The following NAALAD2 variants were observed in gnomAD, a reference collection of about 807,000 sequenced individuals.
NAALAD2 encodes the protein N-acetylated alpha-linked acidic dipeptidase 2.
Under a neutral mutation model 95.6 loss-of-function variants are expected in NAALAD2, and 89 were observed. The ratio of observed to expected loss-of-function variants is 0.93; its 90% CI spans 0.78 to 1.11. NAALAD2 has a LOEUF of 1.11. Ranked by LOEUF, NAALAD2 falls within the 50% of genes least tolerant of loss-of-function variation. NAALAD2 has a pLI of 0.00. For synonymous variants in NAALAD2, 264 were observed against 294.4 expected (o/e 0.90, Z 1.06); for missense variants, 894 against 872.4 (o/e 1.02, Z -0.31).
chr11:90,177,849 TCAG>T lies in NAALAD2; in HGVS notation c.1594-3_1594-1del. On this transcript the variant is annotated splice_acceptor_variant and splice_polypyrimidine_tract_variant and intron_variant, in intron 15 of 18. Transcript: ENST00000534061. LOFTEE classifies it high-confidence loss of function. ...TTATACTTGCCTCTCCATTTTTTTTTCAGAAAACAGATAAGTACAGCAGCTACC... is the reference window on the plus strand; with the variant it reads ...TTATACTTGCCTCTCCATTTTTTTTTAAAACAGATAAGTACAGCAGCTACC... The T allele has an allele frequency of 6.3e-7, 1 of 1,594,556 alleles. No individual in the cohort carries two copies. Among genetic ancestry groups the T allele is most frequent in the Admixed American group, 1.8e-5 (1 of 55,330 alleles).
upstream of NAALAD2, chr11:90,132,230 TTAATC>T (rs1390212459): frequency 5.2e-5 from 8 of 152,610 alleles, no homozygotes; most frequent in Non-Finnish European, 8.8e-5. Context: ...TTGGAACTCT[TTAATC>T]TAATTTTAAT....
chr11:90,155,462 T>C (rs552680802), intron 6 of NAALAD2, among the ~76,000 whole-genome samples: 23 of 112,474 alleles, frequency 2.0e-4, no homozygotes, highest in African/African-American at 8.5e-4. Flanking sequence ...TAATATGTAA[T>C]ATTACATATA....
In NAALAD2 at chr11:90,158,198, G is replaced by GTACATCCCATTGGA; in HGVS notation, c.853_866dup (p.Asn290IlefsTer31). ...AGGAGTGGGAATCCCCCGAATACCT[G>GTACATCCCATTGGA]TACATCCCATTGGATATAATGATGC... On this transcript the variant is annotated frameshift_variant, in exon 7 of 19. Coordinates refer to ENST00000534061, the MANE Select transcript of NAALAD2 (RefSeq NM_005467.4). LOFTEE classifies it high-confidence loss of function. 6.2e-7 allele frequency: 1 copy of GTACATCCCATTGGA among 1,611,176 alleles called. No individual in the cohort carries two copies. Among genetic ancestry groups the GTACATCCCATTGGA allele is most frequent in the Non-Finnish European group, 8.5e-7 (1 of 1,178,068 alleles).
rs57694347 is a variant in NAALAD2, at chr11:90,177,586, G to GTTTTTTTTTTTTTTTTTTTTTTTT, written c.1594-252_1594-229dup. On this transcript the variant is annotated intron_variant, in intron 15 of 18. Transcript: ENST00000534061. ...TATGGTTGTATTTTTTCTTTTTCTT[G>GTTTTTTTTTTTTTTTTTTTTTTTT]TTTTTTTTTTTTTTTTTTTTTTTTT... Among the ~76,000 whole-genome samples, 48 of 28,466 alleles carry GTTTTTTTTTTTTTTTTTTTTTTTT rather than the reference G, an allele frequency of 1.7e-3. 22 individuals are homozygous for GTTTTTTTTTTTTTTTTTTTTTTTT. Among genetic ancestry groups the GTTTTTTTTTTTTTTTTTTTTTTTT allele is most frequent in the East Asian group, 7.4e-3 (6 of 806 alleles). The allele number at this position is 28,466 out of a possible 152,430, so 18.7% of individuals were successfully genotyped here.
chr11:90,158,429 A>G lies in NAALAD2; in HGVS notation c.890+191A>G, dbSNP rs1952187058. 5 of 514,934 alleles carry G rather than the reference A, an allele frequency of 9.7e-6. No individual in the cohort carries two copies. The South Asian group carries it at 1.3e-4, about 13-fold the overall frequency. 31.9% of individuals were successfully genotyped at this position (514,934 alleles called of 1,614,324 possible). On this transcript the variant is annotated intron_variant, in intron 7 of 18. Transcript: ENST00000534061. Reference sequence around the variant, plus strand: ...GTCATTTTAGTGACTAAGAAATCAAAATAAAATATCGCTCTGTTCGCTACA... The same window carrying G: ...GTCATTTTAGTGACTAAGAAATCAAGATAAAATATCGCTCTGTTCGCTACA...
At chr11:90,185,858 C>CTTTTT (rs375865674) in intron 18 of NAALAD2, among the ~76,000 whole-genome samples, 12,294 of 132,586 alleles carry the variant, frequency 0.093, 589 homozygotes, top group South Asian at 0.15. Context: ...AGGGTAAACA[C>CTTTTT]TTTTTTTTTT....
rs1952982227 is a variant in NAALAD2 at position 90,181,802 on chromosome 11, A to G, written c.1940+101A>G. ...TATTAGCATTAACCTCTAAATCACT[A>G]CTATTCAAATTATAGTCTGCAAATC... On this transcript the variant is annotated intron_variant, in intron 17 of 18. Coordinates refer to ENST00000534061, the MANE Select transcript of NAALAD2 (RefSeq NM_005467.4). 5 of 749,768 alleles carry G rather than the reference A, an allele frequency of 6.7e-6. No individual in the cohort carries two copies. In the South Asian group the frequency reaches 9.4e-5, roughly 14 times the overall value. The allele number at this position is 749,768 out of a possible 1,614,324, so 46.4% of individuals were successfully genotyped here.
At chr11:90,163,284 G>C in intron 9 of NAALAD2, 26 bp from the exon 10 acceptor site, 2 of 1,595,646 alleles carry the variant, frequency 1.3e-6, no homozygotes, top group Non-Finnish European at 1.7e-6. Context: ...CAAAGTTGTA[G>C]GTTTCTTGAA....
At chr11:90,163,458 A>G in intron 10 of NAALAD2, 29 bp downstream of exon 10, 1 of 1,613,422 alleles carries the variant, frequency 6.2e-7, no homozygotes. Context: ...CTAGGTGATG[A>G]CAAAAAGTGA....
At position 90,169,888 on chromosome 11, in the gene NAALAD2, T is replaced by G. The variant is rs193293290; in HGVS notation, c.1343-181T>G. Among the ~76,000 whole-genome samples, 1,318 of 152,286 alleles carry G rather than the reference T, an allele frequency of 8.7e-3. 15 individuals carry two copies. The highest frequency in any genetic ancestry group is 9.7e-3 in the Non-Finnish European group (660 of 68,010). ...CAAGACCTTCTACTATTCAGAATAT[T>G]TGGTGCAGGCTCTCTTGCTCCTGAA... On this transcript the variant is annotated intron_variant, in intron 12 of 18. Coordinates refer to ENST00000534061, the MANE Select transcript of NAALAD2 (RefSeq NM_005467.4).
chr11:90,188,447 T>TA (rs548612903), intron 18 of NAALAD2, among the ~76,000 whole-genome samples: 1 of 152,294 alleles, frequency 6.6e-6, no homozygotes, highest in Non-Finnish European at 1.5e-5. Flanking sequence ...GGGTAATTTA[T>TA]AAAAAACAGA....
chr11:90,177,728 C>T (rs1214732795), intron 15 of NAALAD2, 125 bp from the exon 16 acceptor site: 4 of 930,312 alleles, frequency 4.3e-6, no homozygotes, highest in South Asian at 1.8e-5. Flanking sequence ...GCTAGGATTA[C>T]AGATGTGAGC....
chr11:90,167,993 A>G lies in NAALAD2; in HGVS notation c.1279-936A>G, dbSNP rs559490341. Among the ~76,000 whole-genome samples the G allele has an allele frequency of 3.3e-5, 5 of 152,274 alleles. No homozygotes were observed. The South Asian group carries it at 6.2e-4, about 19-fold the overall frequency. On this transcript the variant is annotated intron_variant, in intron 11 of 18. Transcript: ENST00000534061. ...CTCTGGGGTCTCCTTCCACGTTGTG[A>G]AAGATTTGTTCTTTTGCTCTTTGCA...
chr11:90,188,357 A>G lies in NAALAD2; in HGVS notation c.2034-3201A>G, dbSNP rs553536134. On this transcript the variant is annotated intron_variant, in intron 18 of 18. Coordinates refer to ENST00000534061, the MANE Select transcript of NAALAD2 (RefSeq NM_005467.4). ...ATATAAAACATTCTTCTTAAAATTC[A>G]GAAGTATAACTAAATGTTTATTGTG... 2.0e-5 allele frequency among the ~76,000 whole-genome samples: 3 copies of G among 152,358 alleles called. No individual in the cohort carries two copies. The East Asian group carries it at 5.8e-4, about 29-fold the overall frequency.
In NAALAD2 at chr11:90,181,730, A is replaced by T. The variant is rs770886100; in HGVS notation, c.1940+29A>T. ...AGTTTCAAATCCCTTTTTTTTTAAAAAAAAAAAAAAAAGCAATCTGGTTAC... is the reference window on the plus strand; with the variant it reads ...AGTTTCAAATCCCTTTTTTTTTAAATAAAAAAAAAAAAGCAATCTGGTTAC... On this transcript the variant is annotated intron_variant, in intron 17 of 18. Transcript: ENST00000534061. 6.5e-5 allele frequency: 35 copies of T among 537,600 alleles called. No homozygotes were observed. In the African/African-American group the frequency reaches 1.2e-3, roughly 18 times the overall value. The allele number at this position is 537,600 out of a possible 1,614,324, so 33.3% of individuals were successfully genotyped here.
At chr11:90,178,261 A>G in intron 16 of NAALAD2, 144 bp downstream of exon 16, 1 of 881,950 alleles carries the variant, frequency 1.1e-6, no homozygotes, top group Non-Finnish European at 1.7e-6. Context: ...AACTTAAAAC[A>G]AACACCTATT....
intron 8 of NAALAD2, among the ~76,000 whole-genome samples, chr11:90,160,032 A>G (rs1345965412): frequency 6.6e-6 from 1 of 151,980 alleles, no homozygotes; most frequent in South Asian, 2.1e-4. Flanking sequence ...CAAAATGTAT[A>G]GATCACTTAC....
In NAALAD2 at chr11:90,173,814, C is replaced by T; in HGVS notation, c.1411-10C>T. On this transcript the variant is annotated splice_polypyrimidine_tract_variant and intron_variant, in intron 13 of 18. Coordinates refer to ENST00000534061, the MANE Select transcript of NAALAD2 (RefSeq NM_005467.4). ...ACCCCTAATTTCCAGTATTTGATTTCTCTTTCCAGATCCCCAGCCCTGATG... is the reference window on the plus strand; with the variant it reads ...ACCCCTAATTTCCAGTATTTGATTTTTCTTTCCAGATCCCCAGCCCTGATG... 6.2e-7 allele frequency: 1 copy of T among 1,600,284 alleles called. No individual in the cohort carries two copies. The highest frequency in any genetic ancestry group is 1.1e-5 in the South Asian group (1 of 88,234).
chr11:90,148,254 A>G (rs1951798525), intron 3 of NAALAD2, among the ~76,000 whole-genome samples: 1 of 152,160 alleles, frequency 6.6e-6, no homozygotes, highest in Non-Finnish European at 1.5e-5. Context: ...AAGATAATAA[A>G]GTTTTAAATT....
Sources: allele counts gnomAD v4.1 joint callset (sites outside exome capture counted in the v4.1 genomes callset), GRCh38; gene constraint gnomAD v4.1.1; transcripts MANE v1.5; gene names NCBI Gene and HGNC (gene_info 2026-07-23, HGNC 2026-07-21).